ATXN7: variants seen among roughly 807,000 people sequenced by gnomAD.
The protein encoded by ATXN7 is ataxin 7.
A neutral mutation model predicts 70.5 loss-of-function variants in ATXN7; 12 were observed. The ratio of observed to expected loss-of-function variants is 0.17; its 90% CI spans 0.11 to 0.28. The LOEUF is 0.28. Ranked by LOEUF, ATXN7 falls within the 10% of genes least tolerant of loss-of-function variation. ATXN7 has a pLI of 1.00. For missense variants in ATXN7, 1,256 were observed against 1,131.7 expected, an observed-to-expected ratio of 1.11 and a Z score of -1.58; for synonymous variants, 498 against 448.7, an observed-to-expected ratio of 1.11 and a Z score of -1.39.
At chr3:63,970,319 T>TGC (rs2075289643) in intron 5 of ATXN7, among the ~76,000 whole-genome samples, 1 of 152,154 alleles carries the variant, frequency 6.6e-6, no homozygotes, top group Non-Finnish European at 1.5e-5. Context: ...TGAACAGGGT[T>TGC]GCAGGAGCAT....
rs1026411704 is a variant in ATXN7 at position 63,953,066 on chromosome 3, A to G, written c.499+583A>G. ...TTTGAATACGTACCTTGTTTCAGGC[A>G]TTGAGTATGTAGTATGATTCTTACC... is the stretch of plus-strand genomic sequence containing the variant. On this transcript the variant is annotated intron_variant, in intron 5 of 12. Coordinates refer to ENST00000674280, the MANE Select transcript of ATXN7 (RefSeq NM_001377405.1). Among the ~76,000 whole-genome samples, 5 of 152,044 alleles carry G rather than the reference A, an allele frequency of 3.3e-5. No homozygotes were observed. In the South Asian group the frequency reaches 6.2e-4, roughly 19 times the overall value.
intron 4 of ATXN7, among the ~76,000 whole-genome samples, chr3:63,951,472 T>C (rs1391478906): frequency 1.3e-5 from 2 of 152,224 alleles, no homozygotes; most frequent in African/African-American, 4.8e-5. Flanking sequence ...AATTGAAGTG[T>C]GCTAATTATC....
intron 5 of ATXN7, among the ~76,000 whole-genome samples, chr3:63,972,189 G>C (rs2075321948): frequency 6.6e-6 from 1 of 152,214 alleles, no homozygotes; most frequent in South Asian, 2.1e-4. Flanking sequence ...ACAGCTTAAT[G>C]AATGACCTGA....
At position 63,864,104 on chromosome 3, in the gene ATXN7, GC is replaced by G. The variant is rs1235750125; in HGVS notation, c.-160del. On this transcript the variant is annotated 5_prime_UTR_variant, in exon 1 of 13. It introduces an in-frame stop codon into an upstream open reading frame of the 5' UTR. Transcript: ENST00000674280. Reference sequence around the variant, plus strand: ...CCGGGCTCCCGCCGCCCCCCTTGCAGCCCCCGCCCGGCCCACGCCCAGAGGC... The same window carrying G: ...CCGGGCTCCCGCCGCCCCCCTTGCAGCCCCGCCCGGCCCACGCCCAGAGGC... Among the ~76,000 whole-genome samples the G allele has an allele frequency of 4.1e-5, 6 of 147,096 alleles. No individual in the cohort carries two copies. Among genetic ancestry groups the G allele is most frequent in the South Asian group, 4.2e-4 (2 of 4,776 alleles).
chr3:63,939,466 A>G lies in ATXN7; in HGVS notation c.395-12913A>G, dbSNP rs115371079. On this transcript the variant is annotated intron_variant, in intron 4 of 12. Transcript: ENST00000674280. ...AGTCGAAGCAATGTTGAACATAATA[A>G]TAAACAAACTGATGATATTATCCTT... Among the ~76,000 whole-genome samples, 1,282 of 152,270 alleles carry G rather than the reference A, an allele frequency of 8.4e-3. 25 individuals are homozygous for G. The highest frequency in any genetic ancestry group is 0.029 in the African/African-American group (1,215 of 41,536).
intron 4 of ATXN7, among the ~76,000 whole-genome samples, chr3:63,917,198 G>A (rs993683118): frequency 6.6e-6 from 1 of 152,110 alleles, no homozygotes; most frequent in Non-Finnish European, 1.5e-5. Flanking sequence ...GGGATGACAG[G>A]TATGAGCCAC....
intron 5 of ATXN7, among the ~76,000 whole-genome samples, chr3:63,962,145 C>T (rs2075142705): frequency 6.6e-6 from 1 of 152,126 alleles, no homozygotes; most frequent in African/African-American, 2.4e-5. Context: ...AGCTATTTCC[C>T]TCATCCCACA....
At chr3:63,991,532 G>A (rs2075671767) in intron 11 of ATXN7, among the ~76,000 whole-genome samples, 1 of 152,120 alleles carries the variant, frequency 6.6e-6, no homozygotes, top group Admixed American at 6.5e-5. Context: ...GGAGGAGTGG[G>A]TTCTGGGCAG....
chr3:63,925,282 A>G (rs1193776025), intron 4 of ATXN7, among the ~76,000 whole-genome samples: 1 of 152,110 alleles, frequency 6.6e-6, no homozygotes, highest in Non-Finnish European at 1.5e-5. Flanking sequence ...AACAACAGAC[A>G]TTTATGCATC....
intron 1 of ATXN7, among the ~76,000 whole-genome samples, chr3:63,866,210 A>G (rs899597708): frequency 2.6e-5 from 4 of 152,186 alleles, no homozygotes; most frequent in Non-Finnish European, 5.9e-5. Context: ...GAAAGACTTT[A>G]AAGTTTGAGC....
upstream of ATXN7, chr3:63,863,460 C>T: frequency 8.7e-7 from 1 of 1,151,288 alleles, no homozygotes. Context: ...CCGTCTCGGC[C>T]ACCCACGTGT....
intron 8 of ATXN7, among the ~76,000 whole-genome samples, chr3:63,985,417 C>A (rs2075559773): frequency 6.6e-6 from 1 of 152,196 alleles, no homozygotes. Flanking sequence ...GCAGAAAATG[C>A]AGCATCCACC....
At chr3:63,992,746 A>G (rs1442453163) in intron 11 of ATXN7, among the ~76,000 whole-genome samples, 1 of 152,170 alleles carries the variant, frequency 6.6e-6, no homozygotes, top group Non-Finnish European at 1.5e-5. Context: ...TTCCATTAGC[A>G]TGACCATTGG....
chr3:63,875,174 T>C (rs1454919655), intron 1 of ATXN7, among the ~76,000 whole-genome samples: 2 of 152,164 alleles, frequency 1.3e-5, no homozygotes, highest in East Asian at 3.8e-4. Flanking sequence ...AGGCCGGTCT[T>C]GAACTCCTGA....
chr3:63,875,619 G>T (rs1434080103), intron 1 of ATXN7, among the ~76,000 whole-genome samples: 2 of 152,080 alleles, frequency 1.3e-5, no homozygotes, highest in East Asian at 3.9e-4. Context: ...GGAGCCCTTC[G>T]ATCTGGCCTT....
At chr3:63,909,729 T>C (rs908745950) in intron 2 of ATXN7, among the ~76,000 whole-genome samples, 7 of 152,184 alleles carry the variant, frequency 4.6e-5, no homozygotes, top group Admixed American at 6.5e-5. Flanking sequence ...GTTAGGACTT[T>C]TTTATGGGTG....
At chr3:63,984,687 G>A (rs903041210) in intron 8 of ATXN7, among the ~76,000 whole-genome samples, 2 of 152,208 alleles carry the variant, frequency 1.3e-5, no homozygotes, top group African/African-American at 4.8e-5. Context: ...GTGCAAGACA[G>A]TATTGTTGAC....
intron 1 of ATXN7, among the ~76,000 whole-genome samples, chr3:63,897,147 C>T (rs1303311364): frequency 1.3e-5 from 2 of 152,144 alleles, no homozygotes; most frequent in African/African-American, 4.8e-5. Context: ...CAAAGAAATG[C>T]ATTTTGGCTC....
intron 3 of ATXN7, 85 bp from the exon 4 acceptor site, chr3:63,913,072 C>A: frequency 6.6e-7 from 1 of 1,518,886 alleles, no homozygotes; most frequent in Non-Finnish European, 9.1e-7. Context: ...GGTGCCCACA[C>A]CTACCCCGTG....
Sources: gnomAD v4.1 joint callset for allele counts (sites outside exome capture counted in the v4.1 genomes callset) on GRCh38, gnomAD v4.1.1 for gene constraint, MANE v1.5 for transcripts, NCBI Gene and HGNC (gene_info 2026-07-23, HGNC 2026-07-21) for gene names.